The following MYO5A variants were observed in gnomAD, a reference collection of about 807,000 sequenced individuals.
MYO5A encodes the protein myosin VA.
In MYO5A, 98 loss-of-function variants were observed where a neutral mutation model predicts 249.7. That is an observed-to-expected ratio of 0.39 (90% CI 0.33 to 0.46). The LOEUF is 0.46. MYO5A is among the 20% of genes least tolerant of loss of function. The pLI is 0.98. For missense variants in MYO5A, 1,696 were observed against 2,308.8 expected, an observed-to-expected ratio of 0.73 and a Z score of 5.44; for synonymous variants, 778 against 810.6, an observed-to-expected ratio of 0.96 and a Z score of 0.68.
chr15:52,428,320 C>G, intron 3 of MYO5A, 78 bp downstream of exon 3: 1 of 1,436,462 alleles, frequency 7.0e-7, no homozygotes, highest in Non-Finnish European at 9.8e-7. Flanking sequence ...GCCTGCTTTC[C>G]CCATGTACAA....
chr15:52,445,959 G>A (rs1052303429), intron 1 of MYO5A, among the ~76,000 whole-genome samples: 7 of 152,250 alleles, frequency 4.6e-5, no homozygotes, highest in Admixed American at 3.9e-4. Flanking sequence ...AGGAAGCAGA[G>A]CATAAAAGTT....
intron 1 of MYO5A, among the ~76,000 whole-genome samples, chr15:52,507,803 C>CAAAAATAAAAAAA (rs146846192): frequency 7.9e-6 from 1 of 127,164 alleles, no homozygotes; most frequent in Non-Finnish European, 1.6e-5. Context: ...GACCCTGTCC[C>CAAAAATAAAAAAA]CAAAAAAAAA....
At position 52,351,479 on chromosome 15, in the gene MYO5A, A is replaced by G; in HGVS notation, c.3624T>C (p.Arg1208=). ...GAELEYESLK[R]QELESENKKL... ...TTTTGTTTTCTGATTCTAGTTCTTG[A>G]CGCTGTATGAAAAGACAAAGAAAAG... is the stretch of plus-strand genomic sequence containing the variant. Residue 1208 remains arginine, a splice_region_variant and synonymous_variant, in exon 28 of 42, where the codon CGT becomes CGC. Coordinates refer to ENST00000399233, the MANE Select transcript of MYO5A (RefSeq NM_001382347.1). The G allele has an allele frequency of 6.2e-7, 1 of 1,613,828 alleles. No individual in the cohort carries two copies. The highest frequency in any genetic ancestry group is 8.5e-7 in the Non-Finnish European group (1 of 1,179,718).
At chr15:52,497,756 CAAA>C (rs35145185) in intron 1 of MYO5A, among the ~76,000 whole-genome samples, 2 of 62,700 alleles carry the variant, frequency 3.2e-5, no homozygotes, top group Non-Finnish European at 3.1e-5. Context: ...GACTCTGTCT[CAAA>C]AAAAAAAAAA....
chr15:52,361,321 A>C (rs1229435884), intron 24 of MYO5A, among the ~76,000 whole-genome samples: 1 of 152,232 alleles, frequency 6.6e-6, no homozygotes, highest in Non-Finnish European at 1.5e-5. Context: ...TATCACTAAG[A>C]AAACCAGGTA....
At chr15:52,500,423 T>A (rs765564528) in intron 1 of MYO5A, among the ~76,000 whole-genome samples, 55 of 150,468 alleles carry the variant, frequency 3.7e-4, no homozygotes, top group Admixed American at 8.0e-4. Context: ...CTCAGCTCAC[T>A]GCAACCTCTG....
rs116546352 is a variant in MYO5A at position 52,485,764 on chromosome 15, G to A, written c.27+43016C>T. Among the ~76,000 whole-genome samples the A allele has an allele frequency of 2.8e-3, 427 of 152,102 alleles. 5 individuals are homozygous for A. The highest frequency in any genetic ancestry group is 9.6e-3 in the African/African-American group (398 of 41,498). ...AAGCCTCAATAACTTGAACAGAAAC[G>A]ACAAGAATAAAGATTTTTTAGCATG... On this transcript the variant is annotated intron_variant, in intron 1 of 41. Transcript: ENST00000399233.
At chr15:52,473,634 C>G (rs2076526803) in intron 1 of MYO5A, among the ~76,000 whole-genome samples, 1 of 152,302 alleles carries the variant, frequency 6.6e-6, no homozygotes, top group South Asian at 2.1e-4. Flanking sequence ...TTTCCCAGCA[C>G]CATTAATTAA....
intron 1 of MYO5A, among the ~76,000 whole-genome samples, chr15:52,473,391 T>C (rs1249367787): frequency 6.6e-6 from 1 of 152,244 alleles, no homozygotes; most frequent in Non-Finnish European, 1.5e-5. Context: ...AGAAGCTCTT[T>C]AGTTTAATTA....
chr15:52,377,712 A>G (rs1434529532), intron 18 of MYO5A, among the ~76,000 whole-genome samples: 1 of 151,760 alleles, frequency 6.6e-6, no homozygotes, highest in Non-Finnish European at 1.5e-5. Flanking sequence ...CTGGGATTAC[A>G]GGTAAACACC....
intron 1 of MYO5A, among the ~76,000 whole-genome samples, chr15:52,480,088 T>C (rs1166408287): frequency 6.6e-6 from 1 of 152,234 alleles, no homozygotes; most frequent in Non-Finnish European, 1.5e-5. Flanking sequence ...TCACATCGTA[T>C]ACCTTGAATA....
intron 1 of MYO5A, among the ~76,000 whole-genome samples, chr15:52,458,483 G>A (rs2076165398): frequency 6.6e-6 from 1 of 152,036 alleles, no homozygotes; most frequent in East Asian, 1.9e-4. Context: ...AGCTGGGCGT[G>A]GTGGCATGCA....
Position 52,319,266 on chromosome 15 carries a change from G to C in MYO5A, c.5028C>G (p.Ser1676=). ...TGTAGGTGCCCTCATCGGCGATACT[G>C]GAGGTTCGCTTTCTCAACCCTGTGG... ...VKPTGLRKRT[S]SIADEGTYTL... The change falls in exon 39 of 42, where the codon TCC becomes TCG. Residue 1676 remains serine, a synonymous_variant. Transcript: ENST00000399233. 6.2e-7 allele frequency: 1 copy of C among 1,614,162 alleles called. No individual in the cohort carries two copies. Among genetic ancestry groups the C allele is most frequent in the Non-Finnish European group, 8.5e-7 (1 of 1,180,012 alleles).
intron 1 of MYO5A, among the ~76,000 whole-genome samples, chr15:52,494,674 G>A (rs1276573668): frequency 1.3e-5 from 2 of 152,076 alleles, no homozygotes; most frequent in Non-Finnish European, 2.9e-5. Context: ...TGTATTTTTA[G>A]TAGAGATAGG....
intron 25 of MYO5A, among the ~76,000 whole-genome samples, chr15:52,356,931 A>G (rs2040257310): frequency 6.6e-6 from 1 of 151,908 alleles, no homozygotes; most frequent in South Asian, 2.1e-4. Flanking sequence ...TGAACAAAAA[A>G]GTAGGCATTT....
chr15:52,487,062 G>A (rs7165578), intron 1 of MYO5A, among the ~76,000 whole-genome samples: 101,762 of 152,162 alleles, frequency 0.67, 36,064 homozygotes, highest in Non-Finnish European at 0.76. Context: ...CTTTCAAAGA[G>A]GAGAAATAGG....
chr15:52,443,014 G>A (rs563904894), intron 1 of MYO5A, among the ~76,000 whole-genome samples: 2 of 152,308 alleles, frequency 1.3e-5, no homozygotes, highest in South Asian at 4.1e-4. Context: ...GCCTCCCAAA[G>A]TGCTGGGATT....
intron 1 of MYO5A, among the ~76,000 whole-genome samples, chr15:52,514,640 T>G (rs2077461053): frequency 6.6e-6 from 1 of 152,204 alleles, no homozygotes; most frequent in Non-Finnish European, 1.5e-5. Context: ...GCCTGTGTAC[T>G]ACAGCCTCAC....
At chr15:52,407,994 A>G (rs1451106059) in intron 7 of MYO5A, 65 bp downstream of exon 7, 1 of 1,093,026 alleles carries the variant, frequency 9.1e-7, no homozygotes, top group African/African-American at 1.6e-5. Flanking sequence ...TAACAAGTAA[A>G]TTTAGGAACT....
Sources: allele counts gnomAD v4.1 joint callset (sites outside exome capture counted in the v4.1 genomes callset), GRCh38; gene constraint gnomAD v4.1.1; transcripts MANE v1.5; gene names NCBI Gene and HGNC (gene_info 2026-07-23, HGNC 2026-07-21).